Variants in WNT16 observed in about 807,000 individuals in gnomAD.
The protein encoded by WNT16 is protein Wnt-16.
WNT16 carries 20 observed loss-of-function variants against 35.4 expected under a neutral mutation model. That is an observed-to-expected ratio of 0.56 (90% confidence interval 0.40 to 0.82). WNT16 has a LOEUF of 0.82. WNT16 is among the 40% of genes least tolerant of loss of function. The pLI is 0.00. For missense variants in WNT16, 461 were observed against 466.0 expected (o/e 0.99, Z 0.10); for synonymous variants, 180 against 179.2 (o/e 1.00, Z -0.03).
chr7:121,325,700 A>G (rs550085275), upstream of WNT16, among the ~76,000 whole-genome samples: 1 of 151,926 alleles, frequency 6.6e-6, no homozygotes, highest in African/African-American at 2.4e-5. Context: ...CACACACACT[A>G]TATATATGTT....
At chr7:121,328,168 C>T (rs528699737), upstream of WNT16, among the ~76,000 whole-genome samples, 218 of 152,274 alleles carry the variant, frequency 1.4e-3, no homozygotes, top group African/African-American at 5.0e-3. Flanking sequence ...CAAAGGGGTG[C>T]CCAATCCTAG....
intron 2 of WNT16, 32 bp downstream of exon 2, chr7:121,329,849 G>A (rs1189146232): frequency 6.3e-7 from 1 of 1,589,758 alleles, no homozygotes; most frequent in African/African-American, 1.3e-5. Flanking sequence ...GTTGGTGGGG[G>A]ACGGAAGGCG....
At position 121,340,397 on chromosome 7, in the gene WNT16, A is replaced by T. The variant is rs1421169476; in HGVS notation, c.*1052A>T. 2 of 151,770 alleles carry T rather than the reference A, an allele frequency of 1.3e-5. No homozygotes were observed. Among genetic ancestry groups the T allele is most frequent in the Non-Finnish European group, 2.9e-5 (2 of 67,834 alleles). 9.4% of individuals were successfully genotyped at this position (151,770 alleles called of 1,614,324 possible). A position where few individuals can be genotyped will look rare whatever the true frequency, so the allele number is the denominator to read the frequency against. Reference sequence around the variant, plus strand: ...ATTATCTCATAAATAATATTAGCTTATTTTTTTTCATACTATTAATGCTAT... The same window carrying T: ...ATTATCTCATAAATAATATTAGCTTTTTTTTTTTCATACTATTAATGCTAT... On this transcript the variant is annotated 3_prime_UTR_variant, in exon 4 of 4. Coordinates refer to ENST00000222462, the MANE Select transcript of WNT16 (RefSeq NM_057168.2).
At position 121,331,684 on chromosome 7, in the gene WNT16, A is replaced by C. The variant is rs1243239405; in HGVS notation, c.353A>C (p.Lys118Thr). 1 of 1,603,912 alleles carries C rather than the reference A, an allele frequency of 6.2e-7. No individual in the cohort carries two copies. The highest frequency in any genetic ancestry group is 2.2e-5 in the East Asian group (1 of 44,590). ...LFGYELSSGT[K>T]ETAFIYAVMA... ...CAATTTATATTTTTTCTAGGCACCA[A>C]AGAGACAGCATTTATTTATGCTGTG... Residue 118 changes from lysine (K) to threonine (T), a missense_variant, in exon 3 of 4, where the codon AAA becomes ACA. Physicochemically the swap from Lys to Thr is moderately conservative, Grantham distance 78. Coordinates refer to ENST00000222462, the MANE Select transcript of WNT16 (RefSeq NM_057168.2).
upstream of WNT16, among the ~76,000 whole-genome samples, chr7:121,326,251 A>T (rs1211233174): frequency 6.6e-6 from 1 of 152,176 alleles, no homozygotes; most frequent in Non-Finnish European, 1.5e-5. Context: ...CAGCTCTCAG[A>T]ACATGAAAGT....
intron 2 of WNT16, among the ~76,000 whole-genome samples, chr7:121,331,086 GT>G (rs1290359573): frequency 6.6e-6 from 1 of 152,182 alleles, no homozygotes; most frequent in Non-Finnish European, 1.5e-5. Flanking sequence ...TATATAAAAT[GT>G]TTAACTGTTT....
At chr7:121,325,742 G>GA (rs949656222), upstream of WNT16, among the ~76,000 whole-genome samples, 3 of 151,760 alleles carry the variant, frequency 2.0e-5, no homozygotes, top group Non-Finnish European at 2.9e-5. Flanking sequence ...ATGTTGTAGT[G>GA]AAAAAAACAG....
Position 121,339,193 on chromosome 7 carries a change from G to T in WNT16, c.946G>T (p.Gly316Cys). The T allele has an allele frequency of 6.2e-7, 1 of 1,614,154 alleles. No individual in the cohort carries two copies. Among genetic ancestry groups the T allele is most frequent in the Non-Finnish European group, 8.5e-7 (1 of 1,180,022 alleles). Residue 316 changes from glycine to cysteine, a missense_variant, in exon 4 of 4, where the codon GGT (glycine) becomes TGT (cysteine). Coordinates refer to ENST00000222462, the MANE Select transcript of WNT16 (RefSeq NM_057168.2). ...QGRECNRTSEGADGCNLLCCG... is the reference protein window; with the variant it reads ...QGRECNRTSECADGCNLLCCG... The stretch of plus-strand genomic sequence containing the variant: ...CAGAGAATGCAACCGTACATCAGAG[G>T]GTGCAGATGGCTGCAACCTCCTCTG...
intron 3 of WNT16, among the ~76,000 whole-genome samples, chr7:121,333,168 T>C (rs1403306014): frequency 2.0e-5 from 3 of 152,072 alleles, no homozygotes; most frequent in African/African-American, 7.2e-5. Flanking sequence ...CACATTCTTT[T>C]GAAATAAATA....
rs1361818656 is a variant in WNT16, at chr7:121,340,472, T to C, written c.*1127T>C. Reference sequence around the variant, plus strand: ...AACTTAGCAGTTAGTTATATGGATGTGTATTTCTTGCTAAAATGACAGTTT... The same window carrying C: ...AACTTAGCAGTTAGTTATATGGATGCGTATTTCTTGCTAAAATGACAGTTT... On this transcript the variant is annotated 3_prime_UTR_variant, in exon 4 of 4. Transcript: ENST00000222462. 1 of 152,096 alleles carries C rather than the reference T, an allele frequency of 6.6e-6. No homozygotes were observed. 9.4% of individuals were successfully genotyped at this position (152,096 alleles called of 1,614,324 possible). A position where few individuals can be genotyped will look rare whatever the true frequency, so the allele number is the denominator to read the frequency against.
chr7:121,339,448 A>G lies in WNT16; in HGVS notation c.*103A>G, dbSNP rs773982060. 3 of 1,083,190 alleles carry G rather than the reference A, an allele frequency of 2.8e-6. No individual in the cohort carries two copies. The highest frequency in any genetic ancestry group is 5.0e-5 in the Admixed American group (2 of 39,828). 67.1% of individuals were successfully genotyped at this position (1,083,190 alleles called of 1,614,324 possible). ...CAGCGCTAGTAAAGTTGACTCTTGC[A>G]GTGGAATCCCTAGAACCTTGGACCT... is the stretch of plus-strand genomic sequence containing the variant. On this transcript the variant is annotated 3_prime_UTR_variant, in exon 4 of 4. Transcript: ENST00000222462.
chr7:121,329,795 C>T lies in WNT16; in HGVS notation c.324C>T (p.Leu108=). 14 of 1,605,158 alleles carry T rather than the reference C, an allele frequency of 8.7e-6. No homozygotes were observed. The highest frequency in any genetic ancestry group is 1.1e-5 in the Non-Finnish European group (13 of 1,179,994). Residue 108 remains leucine, a synonymous_variant, in exon 2 of 4, where the codon CTC becomes CTT. Coordinates refer to ENST00000222462, the MANE Select transcript of WNT16 (RefSeq NM_057168.2). ...ATTAPMGASP[L]FGYELSSGTK... Reference sequence around the variant, plus strand: ...CCGCCCCGATGGGCGCCAGCCCCCTCTTTGGCTACGAGCTGAGCAGCGGTG... The same window carrying T: ...CCGCCCCGATGGGCGCCAGCCCCCTTTTTGGCTACGAGCTGAGCAGCGGTG...
At position 121,340,867 on chromosome 7, in the gene WNT16, T is replaced by G. The variant is rs1793521209; in HGVS notation, c.*1522T>G. ...TGTAAATGCTTATGTTTTTTATGAATTGTTAAATATTTCAGTATTATATAG... is the reference window on the plus strand; with the variant it reads ...TGTAAATGCTTATGTTTTTTATGAAGTGTTAAATATTTCAGTATTATATAG... On this transcript the variant is annotated 3_prime_UTR_variant, in exon 4 of 4. Coordinates refer to ENST00000222462, the MANE Select transcript of WNT16 (RefSeq NM_057168.2). 2 of 152,126 alleles carry G rather than the reference T, an allele frequency of 1.3e-5. No individual in the cohort carries two copies. Among genetic ancestry groups the G allele is most frequent in the African/African-American group, 4.8e-5 (2 of 41,444 alleles). 9.4% of individuals were successfully genotyped at this position (152,126 alleles called of 1,614,324 possible). A position where few individuals can be genotyped will look rare whatever the true frequency, so the allele number is the denominator to read the frequency against.
upstream of WNT16, among the ~76,000 whole-genome samples, chr7:121,326,038 C>CAAAAAAAAAAAAAA (rs386411143): frequency 4.3e-5 from 1 of 23,094 alleles, no homozygotes; most frequent in African/African-American, 1.3e-4. Context: ...TACCTCATCT[C>CAAAAAAAAAAAAAA]AAAAAAAAAA....
upstream of WNT16, chr7:121,325,390 A>G (rs367679454): frequency 1.2e-6 from 2 of 1,604,846 alleles, no homozygotes; most frequent in African/African-American, 2.8e-5. Flanking sequence ...CACAGAGGGC[A>G]AAGCCAGAAA....
At position 121,331,852 on chromosome 7, in the gene WNT16, A is replaced by T. The variant is rs763979396; in HGVS notation, c.521A>T (p.Tyr174Phe). 2.5e-6 allele frequency: 4 copies of T among 1,614,220 alleles called. No homozygotes were observed. In the Admixed American group the frequency reaches 5.0e-5, roughly 20 times the overall value. The stretch of plus-strand genomic sequence containing the variant: ...GGGGGCTGCTCCGATGATGTCCAGT[A>T]TGGCATGTGGTTCAGCAGAAAGTTC... ...HWGGCSDDVQYGMWFSRKFLD... is the reference protein window; with the variant it reads ...HWGGCSDDVQFGMWFSRKFLD... The change falls in exon 3 of 4, where the codon TAT (tyrosine) becomes TTT (phenylalanine). Residue 174 changes from tyrosine to phenylalanine, a missense_variant. By Grantham distance (22) the Tyr-to-Phe change is conservative (BLOSUM62 3). Coordinates refer to ENST00000222462, the MANE Select transcript of WNT16 (RefSeq NM_057168.2).
chr7:121,329,784 G>A lies in WNT16; in HGVS notation c.313G>A (p.Ala105Thr). Residue 105 changes from alanine to threonine, a missense_variant, in exon 2 of 4, where the codon GCC becomes ACC. Transcript: ENST00000222462. ...CGCCGCCACTACCGCCCCGATGGGC[G>A]CCAGCCCCCTCTTTGGCTACGAGCT... Reference protein sequence around the residue: ...TAAATTAPMGASPLFGYELSS... With the variant: ...TAAATTAPMGTSPLFGYELSS... 6.2e-7 allele frequency: 1 copy of A among 1,606,974 alleles called. No homozygotes were observed. The highest frequency in any genetic ancestry group is 2.2e-5 in the East Asian group (1 of 44,886).
At chr7:121,329,904 G>T (rs1207973116) in intron 2 of WNT16, 87 bp downstream of exon 2, 17 of 1,521,208 alleles carry the variant, frequency 1.1e-5, no homozygotes, top group Non-Finnish European at 1.5e-5. Flanking sequence ...ATAGTGCTAC[G>T]TGGTCCTGTA....
chr7:121,333,355 CTTCAAA>C (rs1793385126), intron 3 of WNT16, among the ~76,000 whole-genome samples: 1 of 151,854 alleles, frequency 6.6e-6, no homozygotes, highest in Non-Finnish European at 1.5e-5. Flanking sequence ...CACTGTAACA[CTTCAAA>C]TTCAAATTTT....
Sources: gnomAD v4.1 joint callset for allele counts (sites outside exome capture counted in the v4.1 genomes callset) on GRCh38, gnomAD v4.1.1 for gene constraint, MANE v1.5 for transcripts, NCBI Gene and HGNC (gene_info 2026-07-23, HGNC 2026-07-21) for gene names.